ZNF296: variants seen among roughly 807,000 people sequenced by gnomAD.
ZNF296 encodes zinc finger protein 342.
A neutral mutation model predicts 13.2 loss-of-function variants in ZNF296; 1 was observed. The observed-to-expected ratio is 0.08, with a 90% CI of 0.03 to 0.36. ZNF296 has a LOEUF of 0.36. Among genes scored for constraint, ZNF296 ranks in the 10% least tolerant of loss-of-function variants. The probability of loss-of-function intolerance (pLI) is 0.99; values close to 1 mark genes in which losing one functional copy is unlikely to be tolerated. For missense variants in ZNF296, 555 were observed against 688.2 expected (o/e 0.81, Z 2.16); for synonymous variants, 303 against 289.0 (o/e 1.05, Z -0.49).
chr19:45,072,439 A>G lies in ZNF296; in HGVS notation c.590T>C (p.Leu197Pro), dbSNP rs200644938. The G allele has an allele frequency of 6.2e-7, 1 of 1,612,852 alleles. No homozygotes were observed. The highest frequency in any genetic ancestry group is 2.2e-5 in the East Asian group (1 of 44,880). ...TESEAPEAPL[L>P]GLAEVAAAVS... Reference sequence around the variant, plus strand: ...GGCTGCAGCCACCTCGGCCAGGCCCAGGAGCGGGGCCTCCGGGGCCTCTGA... The same window carrying G: ...GGCTGCAGCCACCTCGGCCAGGCCCGGGAGCGGGGCCTCCGGGGCCTCTGA... The change falls in exon 3 of 3, where the codon CTG becomes CCG. Residue 197 changes from leucine to proline, a missense_variant. Coordinates refer to ENST00000303809, the MANE Select transcript of ZNF296 (RefSeq NM_145288.3).
chr19:45,072,970 TC>T (rs1234540864), intron 2 of ZNF296, among the ~76,000 whole-genome samples: 2 of 152,188 alleles, frequency 1.3e-5, no homozygotes, highest in South Asian at 2.1e-4. Context: ...CAGGCTGGTC[TC>T]GAACTCTTGG....
In ZNF296 at chr19:45,072,523, G is replaced by C; in HGVS notation, c.506C>G (p.Ala169Gly). The C allele has an allele frequency of 1.2e-6, 2 of 1,613,702 alleles. No homozygotes were observed. Among genetic ancestry groups the C allele is most frequent in the South Asian group, 2.2e-5 (2 of 91,072 alleles). Residue 169 changes from alanine (A) to glycine (G), a missense_variant, in exon 3 of 3, where the codon GCC becomes GGC. Ala to Gly is a moderately conservative substitution (Grantham distance 60). Around this residue, in one of 3 missense-constraint regions of ZNF296, gnomAD observed 410 missense variants for 548.0 expected, o/e 0.75. Transcript: ENST00000303809. ...CLRCGKQFTVAWKLLRHAQWD... is the reference protein window; with the variant it reads ...CLRCGKQFTVGWKLLRHAQWD... ...CTGGGCGTGACGCAGCAGCTTCCAG[G>C]CCACTGTGAACTGTTTGCCACAGCG...
chr19:45,072,615 C>T (rs765015458), intron 2 of ZNF296, 35 bp from the exon 3 acceptor site: 9 of 1,544,422 alleles, frequency 5.8e-6, no homozygotes, highest in Non-Finnish European at 6.1e-6. Context: ...TTAGTGCGGA[C>T]AGCTGCCAGC....
chr19:45,075,272 A>C (rs1967323571), intron 2 of ZNF296, among the ~76,000 whole-genome samples: 1 of 152,112 alleles, frequency 6.6e-6, no homozygotes, highest in South Asian at 2.1e-4. Context: ...ATTGACAGAG[A>C]GAGACAGGAG....
In ZNF296 at chr19:45,076,385, C is replaced by G; in HGVS notation, c.-12G>C. ...TTGCGGCGGGACATGAGTCGCGGGC[C>G]GGGCGAGCGAGCGGGCGGGCAGGCA... On this transcript the variant is annotated 5_prime_UTR_variant, in exon 1 of 3. Transcript: ENST00000303809. This position sits in a 1 kb window ranked among gnomAD's most constrained non-coding sequence, Gnocchi z 4.9. 11 of 1,283,452 alleles carry G rather than the reference C, an allele frequency of 8.6e-6. No individual in the cohort carries two copies. Among genetic ancestry groups the G allele is most frequent in the South Asian group, 3.3e-5 (1 of 30,710 alleles). 79.5% of individuals were successfully genotyped at this position (1,283,452 alleles called of 1,614,324 possible).
In ZNF296 at chr19:45,076,349, C is replaced by A; in HGVS notation, c.25G>T (p.Ala9Ser). ...GGCGCGGGCTCTACTCGGCGGGGCGCGCTGCCGGCCTTGCGGCGGGACATG... is the reference window on the plus strand; with the variant it reads ...GGCGCGGGCTCTACTCGGCGGGGCGAGCTGCCGGCCTTGCGGCGGGACATG... MSRRKAGS[A>S]PRRVEPAPAA... The change falls in exon 1 of 3, where the codon GCG becomes TCG. Residue 9 changes from alanine (A) to serine (S), a missense_variant. Around this residue, in one of 3 missense-constraint regions of ZNF296, gnomAD observed 8 missense variants for 18.3 expected, o/e 0.44. Transcript: ENST00000303809. The surrounding 1 kb of genome is among the most constrained non-coding windows in gnomAD (Gnocchi z 4.9). The A allele has an allele frequency of 7.4e-7, 1 of 1,353,590 alleles. No homozygotes were observed. The highest frequency in any genetic ancestry group is 9.5e-7 in the Non-Finnish European group (1 of 1,049,604). 83.8% of individuals were successfully genotyped at this position (1,353,590 alleles called of 1,614,324 possible). A position where few individuals can be genotyped will look rare whatever the true frequency, so the allele number is the denominator to read the frequency against.
chr19:45,074,670 C>G (rs1166227720), intron 2 of ZNF296, among the ~76,000 whole-genome samples: 1 of 152,144 alleles, frequency 6.6e-6, no homozygotes, highest in Non-Finnish European at 1.5e-5. Flanking sequence ...AAGACATAGT[C>G]CTCTGTGTGC....
At chr19:45,072,753 T>C (rs1600123938) in intron 2 of ZNF296, among the ~76,000 whole-genome samples, 173 bp from the exon 3 acceptor site, 1 of 152,100 alleles carries the variant, frequency 6.6e-6, no homozygotes, top group East Asian at 1.9e-4. Flanking sequence ...ATCTGTGGAG[T>C]GGGTGCTAAG....
At position 45,071,665 on chromosome 19, in the gene ZNF296, C is replaced by A; in HGVS notation, c.1364G>T (p.Gly455Val). The A allele has an allele frequency of 6.4e-7, 1 of 1,557,526 alleles. No individual in the cohort carries two copies. Among genetic ancestry groups the A allele is most frequent in the Non-Finnish European group, 8.7e-7 (1 of 1,152,922 alleles). The change falls in exon 3 of 3, where the codon GGC becomes GTC. Residue 455 changes from glycine (G) to valine (V), a missense_variant. This residue lies in a region of ZNF296 where 410 missense variants were observed against 548.0 expected (regional missense o/e 0.75). Coordinates refer to ENST00000303809, the MANE Select transcript of ZNF296 (RefSeq NM_145288.3). ...GTGTTTGTCCAGGGTGGCTCGCAGGCCGAAGGGCACATGGCAGTGGGGGCA... is the reference window on the plus strand; with the variant it reads ...GTGTTTGTCCAGGGTGGCTCGCAGGACGAAGGGCACATGGCAGTGGGGGCA... ...FECPHCHVPF[G>V]LRATLDKHLR...
Position 45,071,623 on chromosome 19 carries a change from G to C in ZNF296, c.1406C>G (p.Pro469Arg), listed in dbSNP as rs1412738515. 1 of 1,525,498 alleles carries C rather than the reference G, an allele frequency of 6.6e-7. No individual in the cohort carries two copies. Among genetic ancestry groups the C allele is most frequent in the Non-Finnish European group, 8.8e-7 (1 of 1,142,172 alleles). 94.5% of individuals were successfully genotyped at this position (1,525,498 alleles called of 1,614,324 possible). A position where few individuals can be genotyped will look rare whatever the true frequency, so the allele number is the denominator to read the frequency against. Residue 469 changes from proline (P) to arginine (R), a missense_variant, in exon 3 of 3, where the codon CCT (proline) becomes CGT (arginine). Transcript: ENST00000303809. ...TLDKHLRQKH[P>R]EAAGEA is the part of the protein sequence containing the mutation. ...GGCTCAGGCCTCGCCGGCCGCCTCA[G>C]GGTGCTTCTGCCGCAGGTGTTTGTC...
chr19:45,074,396 C>G (rs1309339542), intron 2 of ZNF296, among the ~76,000 whole-genome samples: 1 of 152,140 alleles, frequency 6.6e-6, no homozygotes, highest in East Asian at 1.9e-4. Context: ...AGCTTAGCGG[C>G]CACCTAGTAA....
Position 45,076,326 on chromosome 19 carries a change from C to T in ZNF296, c.48G>A (p.Ala16=). The T allele has an allele frequency of 2.1e-6, 3 of 1,403,526 alleles. No homozygotes were observed. Among genetic ancestry groups the T allele is most frequent in the Non-Finnish European group, 2.8e-6 (3 of 1,075,374 alleles). 86.9% of individuals were successfully genotyped at this position (1,403,526 alleles called of 1,614,324 possible). ...AGSAPRRVEP[A]PAANPDDEME... The stretch of plus-strand genomic sequence containing the variant: ...TCTCGTCGTCTGGGTTGGCGGCGGG[C>T]GCGGGCTCTACTCGGCGGGGCGCGC... The change falls in exon 1 of 3, where the codon GCG becomes GCA. Residue 16 remains alanine (A), a synonymous_variant. Transcript: ENST00000303809. This position sits in a 1 kb window ranked among gnomAD's most constrained non-coding sequence, Gnocchi z 4.9.
chr19:45,075,873 G>A lies in ZNF296; in HGVS notation c.299-11C>T, dbSNP rs1411675362. 5 of 1,613,456 alleles carry A rather than the reference G, an allele frequency of 3.1e-6. No homozygotes were observed. The highest frequency in any genetic ancestry group is 4.2e-6 in the Non-Finnish European group (5 of 1,179,888). On this transcript the variant is annotated splice_polypyrimidine_tract_variant and intron_variant, in intron 1 of 2. Transcript: ENST00000303809. ...TCCAGGGCTGGCGGTCTGCAGGGAGGAAGCGGGTGGTGAGCGTGGGGTGGG... is the reference window on the plus strand; with the variant it reads ...TCCAGGGCTGGCGGTCTGCAGGGAGAAAGCGGGTGGTGAGCGTGGGGTGGG...
Position 45,072,057 on chromosome 19 carries a change from C to G in ZNF296, c.972G>C (p.Gly324=), listed in dbSNP as rs1423945444. The G allele has an allele frequency of 6.2e-7, 1 of 1,612,446 alleles. No individual in the cohort carries two copies. The highest frequency in any genetic ancestry group is 1.7e-5 in the Admixed American group (1 of 59,982). Residue 324 remains glycine (G), a synonymous_variant, in exon 3 of 3, where the codon GGG becomes GGC. Coordinates refer to ENST00000303809, the MANE Select transcript of ZNF296 (RefSeq NM_145288.3). ...TSTLPCSGGE[G]AGAAATAGVQ... ...CACCTGCTGTGGCGGCGGCTCCAGC[C>G]CCCTCACCACCGCTGCATGGAAGGG...
At chr19:45,072,707 G>C (rs911502772) in intron 2 of ZNF296, 127 bp from the exon 3 acceptor site, 1 of 1,214,484 alleles carries the variant, frequency 8.2e-7, no homozygotes, top group Non-Finnish European at 1.1e-6. Flanking sequence ...GGAAGGACCA[G>C]GAAGCTGACG....
intron 2 of ZNF296, among the ~76,000 whole-genome samples, chr19:45,072,904 G>C (rs1271132125): frequency 2.0e-4 from 30 of 152,162 alleles, no homozygotes; most frequent in Admixed American, 2.0e-3. Flanking sequence ...TGGGATTACA[G>C]GCGCCCGCCA....
At chr19:45,075,668 C>T in intron 2 of ZNF296, 45 bp downstream of exon 2, 1 of 1,603,220 alleles carries the variant, frequency 6.2e-7, no homozygotes, top group Non-Finnish European at 8.5e-7. Context: ...AGCAGGAAGC[C>T]CAGCCCTCGA....
In ZNF296 at chr19:45,072,057, C is replaced by T. The variant is rs1423945444; in HGVS notation, c.972G>A (p.Gly324=). ...TSTLPCSGGE[G]AGAAATAGVQ... ...CACCTGCTGTGGCGGCGGCTCCAGCCCCCTCACCACCGCTGCATGGAAGGG... is the reference window on the plus strand; with the variant it reads ...CACCTGCTGTGGCGGCGGCTCCAGCTCCCTCACCACCGCTGCATGGAAGGG... The change falls in exon 3 of 3, where the codon GGG becomes GGA. Residue 324 remains glycine (G), a synonymous_variant. Transcript: ENST00000303809. 6.2e-7 allele frequency: 1 copy of T among 1,612,564 alleles called. No homozygotes were observed. Among genetic ancestry groups the T allele is most frequent in the Non-Finnish European group, 8.5e-7 (1 of 1,179,936 alleles).
chr19:45,075,289 G>A (rs2122636132), intron 2 of ZNF296, among the ~76,000 whole-genome samples: 1 of 152,268 alleles, frequency 6.6e-6, no homozygotes, highest in East Asian at 1.9e-4. Flanking sequence ...GGAGGGGGTG[G>A]CAACCTCCCC....
Sources: gnomAD v4.1 joint callset for allele counts (sites outside exome capture counted in the v4.1 genomes callset) on GRCh38, gnomAD v4.1.1 for gene constraint, gnomAD v4.1.1 regional missense constraint, Gnocchi (gnomAD v3.1) non-coding constraint, MANE v1.5 for transcripts, NCBI Gene and HGNC (gene_info 2026-07-23, HGNC 2026-07-21) for gene names.